Variants in CPNE1 observed in about 807,000 individuals in gnomAD.
CPNE1 encodes copine 1, also known as copine-1.
Under a neutral mutation model 63.2 loss-of-function variants are expected in CPNE1, and 58 were observed. That is an observed-to-expected ratio of 0.92 (90% confidence interval 0.74 to 1.14). The LOEUF (loss-of-function observed/expected upper bound fraction) is 1.14, where lower values mean the gene tolerates loss of function less well. Among genes scored for constraint, CPNE1 ranks in the 50% most tolerant of loss-of-function variants. CPNE1 has a pLI of 0.00. For missense variants in CPNE1, 672 were observed against 661.7 expected, an observed-to-expected ratio of 1.02 and a Z score of -0.17; for synonymous variants, 237 against 249.0, an observed-to-expected ratio of 0.95 and a Z score of 0.45.
At chr20:35,645,054 GTACTA>G (rs1200073080) in intron 1 of CPNE1, among the ~76,000 whole-genome samples, 14 of 152,138 alleles carry the variant, frequency 9.2e-5, no homozygotes, top group Non-Finnish European at 1.9e-4. Context: ...TGAGACAACA[GTACTA>G]TACCGCCTTC....
chr20:35,653,431 G>A (rs1419219531), intron 1 of CPNE1: 2 of 1,614,064 alleles, frequency 1.2e-6, no homozygotes, highest in Non-Finnish European at 1.7e-6. Flanking sequence ...TTGGGCAGGG[G>A]GATTTTTCTC....
At chr20:35,637,130 A>G (rs1035845209) in intron 1 of CPNE1, among the ~76,000 whole-genome samples, 1 of 152,164 alleles carries the variant, frequency 6.6e-6, no homozygotes. Flanking sequence ...TGTTCATTCT[A>G]AGCCCAAAGC....
intron 1 of CPNE1, among the ~76,000 whole-genome samples, chr20:35,663,691 C>T (rs2034363709): frequency 6.6e-6 from 1 of 152,074 alleles, no homozygotes; most frequent in Admixed American, 6.6e-5. Flanking sequence ...ACTGAGTAAC[C>T]CTCACAAGAG....
At chr20:35,638,011 T>C (rs1039102404) in intron 1 of CPNE1, among the ~76,000 whole-genome samples, 3 of 152,206 alleles carry the variant, frequency 2.0e-5, no homozygotes, top group Admixed American at 6.5e-5. Flanking sequence ...TATCCTACAG[T>C]AGATACTCAT....
At chr20:35,648,148 G>A (rs1215821638) in intron 1 of CPNE1, among the ~76,000 whole-genome samples, 1 of 151,856 alleles carries the variant, frequency 6.6e-6, no homozygotes, top group Admixed American at 6.6e-5. Context: ...TCCCAGAAAA[G>A]TCACTGTAAC....
At position 35,627,525 on chromosome 20, in the gene CPNE1, T is replaced by G. The variant is rs183483257; in HGVS notation, c.1103-112A>C. On this transcript the variant is annotated intron_variant, in intron 13 of 15. Transcript: ENST00000397443. The stretch of plus-strand genomic sequence containing the variant: ...ATCTCGGAACCTGGGTGCATTTCAT[T>G]CATTCACCCTTGTAAACCAGGGTAC... 16 of 1,078,014 alleles carry G rather than the reference T, an allele frequency of 1.5e-5. No individual in the cohort carries two copies. In the East Asian group the frequency reaches 3.9e-4, roughly 26 times the overall value. The allele number at this position is 1,078,014 out of a possible 1,614,324, so 66.8% of individuals were successfully genotyped here. A position where few individuals can be genotyped will look rare whatever the true frequency, so the allele number is the denominator to read the frequency against.
At chr20:35,631,199 T>C in intron 9 of CPNE1, 26 bp from the exon 10 acceptor site, 1 of 1,613,944 alleles carries the variant, frequency 6.2e-7, no homozygotes, top group Non-Finnish European at 8.5e-7. Context: ...GGGTCATGCC[T>C]GGGGTGATAG....
At chr20:35,647,936 C>G (rs553050308) in intron 1 of CPNE1, among the ~76,000 whole-genome samples, 2 of 150,392 alleles carry the variant, frequency 1.3e-5, no homozygotes, top group East Asian at 3.9e-4. Flanking sequence ...CTTGGCGGCA[C>G]GCACCTATAG....
intron 1 of CPNE1, among the ~76,000 whole-genome samples, chr20:35,663,063 A>C (rs1461378345): frequency 6.6e-6 from 1 of 152,226 alleles, no homozygotes; most frequent in Non-Finnish European, 1.5e-5. Context: ...TGTTTTGTAT[A>C]AACACGCCAA....
At position 35,626,243 on chromosome 20, in the gene CPNE1, A is replaced by G; in HGVS notation, c.1612T>C (p.Ter538GlnextTer60). 1 of 1,614,096 alleles carries G rather than the reference A, an allele frequency of 6.2e-7. No individual in the cohort carries two copies. The highest frequency in any genetic ancestry group is 8.5e-7 in the Non-Finnish European group (1 of 1,180,010). The stretch of plus-strand genomic sequence containing the variant: ...CTTGCCACAGCCTCCAAGGGAACCT[A>G]GGCCTGGGGGGCCTGTGCAGGATCC... ...AKDPAQAPQA[*>Q] The change falls in exon 16 of 16, where the codon TAG (stop) becomes CAG (glutamine). Residue 538 changes from the stop codon to glutamine (Q), a stop_lost. Coordinates refer to ENST00000397443, the MANE Select transcript of CPNE1 (RefSeq NM_152925.3).
At chr20:35,663,896 C>T (rs1316460125) in intron 1 of CPNE1, among the ~76,000 whole-genome samples, 3 of 152,192 alleles carry the variant, frequency 2.0e-5, no homozygotes, top group East Asian at 1.9e-4. Context: ...TCAATTAACT[C>T]TCCATCAAAA....
intron 1 of CPNE1, among the ~76,000 whole-genome samples, chr20:35,658,033 C>T (rs902459170): frequency 1.3e-5 from 2 of 151,474 alleles, no homozygotes; most frequent in Admixed American, 1.3e-4. Flanking sequence ...GCAACAAGAG[C>T]GAAACTCTGT....
chr20:35,638,685 G>T lies in CPNE1; in HGVS notation c.1-5762C>A, dbSNP rs2032628846. Among the ~76,000 whole-genome samples, 3 of 152,272 alleles carry T rather than the reference G, an allele frequency of 2.0e-5. No individual in the cohort carries two copies. The South Asian group carries it at 6.2e-4, about 32-fold the overall frequency. On this transcript the variant is annotated intron_variant, in intron 1 of 15. Transcript: ENST00000397443. ...GGAAACATTATGTCCACAAAGATTT[G>T]TATAAGAATGTTCACAGCAGCTTTA... is the stretch of plus-strand genomic sequence containing the variant.
rs11543244 is a variant in CPNE1 at position 35,632,833 on chromosome 20, C to T, written c.91G>A (p.Val31Ile). ...CCCCCTCCCACATCCTGTAAAAGGA[C>T]GCAGAGTGGGTCAGACTTGGAGCCG... ...DIGSKSDPLC[V>I]LLQDVGGGSW... The change falls in exon 2 of 16, where the codon GTC becomes ATC. Residue 31 changes from valine (V) to isoleucine (I), a missense_variant. Transcript: ENST00000397443. 0.061 allele frequency: 52,903 copies of T among 872,776 alleles called. 2,385 individuals carry two copies. The highest frequency in any genetic ancestry group is 0.18 in the South Asian group (13,799 of 76,508). The allele number at this position is 872,776 out of a possible 1,614,324, so 54.1% of individuals were successfully genotyped here.
At chr20:35,660,393 T>G (rs2034167431) in intron 1 of CPNE1, among the ~76,000 whole-genome samples, 1 of 152,152 alleles carries the variant, frequency 6.6e-6, no homozygotes, top group Non-Finnish European at 1.5e-5. Flanking sequence ...ATTTTTGTAT[T>G]TTTAGTAGAG....
chr20:35,638,134 T>C (rs1411151810), intron 1 of CPNE1, among the ~76,000 whole-genome samples: 1 of 152,226 alleles, frequency 6.6e-6, no homozygotes, highest in African/African-American at 2.4e-5. Flanking sequence ...ATTATCTCTG[T>C]ATCACTAGTA....
intron 1 of CPNE1, among the ~76,000 whole-genome samples, chr20:35,645,722 T>A (rs2146319201): frequency 6.6e-6 from 1 of 152,320 alleles, no homozygotes; most frequent in East Asian, 1.9e-4. Context: ...AGTAGTTGCA[T>A]TAATGTCCAT....
chr20:35,652,770 T>C (rs772428795), intron 1 of CPNE1: 3 of 1,612,240 alleles, frequency 1.9e-6, no homozygotes, highest in African/African-American at 1.3e-5. Context: ...GTCCTGGTTT[T>C]CCAGAACTAG....
At chr20:35,626,916 G>C in intron 14 of CPNE1, 113 bp from the exon 15 acceptor site, 2 of 889,942 alleles carry the variant, frequency 2.2e-6, no homozygotes, top group South Asian at 1.5e-5. Flanking sequence ...GGCCGGGTGC[G>C]ATGGCTCACA....
Sources: gnomAD v4.1 joint callset for allele counts (sites outside exome capture counted in the v4.1 genomes callset) on GRCh38, gnomAD v4.1.1 for gene constraint, MANE v1.5 for transcripts, NCBI Gene and HGNC (gene_info 2026-07-23, HGNC 2026-07-21) for gene names.